The following PGCKA1 variants were observed in gnomAD, a reference collection of about 807,000 sequenced individuals.
PGCKA1 encodes the protein PDCD10 and GCKIII kinases associated 1.
the PGCKA1 span, among the ~76,000 whole-genome samples, chr4:37,469,019 A>G: frequency 2.0e-5 from 3 of 152,164 alleles, no homozygotes; most frequent in Non-Finnish European, 4.4e-5. Flanking sequence ...TTGGTGCCTT[A>G]AGATTATAAT....
the PGCKA1 span, among the ~76,000 whole-genome samples, chr4:37,589,178 C>T: frequency 6.6e-6 from 1 of 152,162 alleles, no homozygotes; most frequent in African/African-American, 2.4e-5. Flanking sequence ...GAAATGGCAT[C>T]GCTGAAAATA....
the PGCKA1 span, among the ~76,000 whole-genome samples, chr4:37,528,502 C>T: frequency 1.2e-4 from 19 of 152,252 alleles, no homozygotes; most frequent in African/African-American, 4.6e-4. Flanking sequence ...GCCTTTGGGG[C>T]ACCTCTTTGG....
At chr4:37,590,779 T>C in the PGCKA1 span, 1 of 1,614,018 alleles carries the variant, frequency 6.2e-7, no homozygotes, top group South Asian at 1.1e-5. Flanking sequence ...CTGGGATTCA[T>C]TGAATGAGGA....
the PGCKA1 span, among the ~76,000 whole-genome samples, chr4:37,538,086 C>CACACACACAG: frequency 1.3e-5 from 2 of 151,888 alleles, no homozygotes; most frequent in African/African-American, 4.8e-5. Flanking sequence ...CACACACACA[C>CACACACACAG]GCACACCCAT....
chr4:37,513,089 CA>C, the PGCKA1 span, among the ~76,000 whole-genome samples: 94 of 71,654 alleles, frequency 1.3e-3, no homozygotes, highest in East Asian at 1.4e-3. Flanking sequence ...AATGCCATCT[CA>C]AAAAAAAAAA....
chr4:37,473,362 C>G, the PGCKA1 span, among the ~76,000 whole-genome samples: 11 of 152,016 alleles, frequency 7.2e-5, 1 homozygote, highest in Non-Finnish European at 1.3e-4. Flanking sequence ...CTTGTGATTT[C>G]TAATCTAAAA....
At chr4:37,487,208 T>C in the PGCKA1 span, among the ~76,000 whole-genome samples, 1 of 152,178 alleles carries the variant, frequency 6.6e-6, no homozygotes, top group East Asian at 1.9e-4. Context: ...CAAAAAGAGA[T>C]TGACCCCCAC....
chr4:37,508,219 T>C, the PGCKA1 span, among the ~76,000 whole-genome samples: 1 of 152,148 alleles, frequency 6.6e-6, no homozygotes, highest in Non-Finnish European at 1.5e-5. Context: ...TTCTTGGCAT[T>C]CTATAACCTT....
the PGCKA1 span, among the ~76,000 whole-genome samples, chr4:37,577,542 T>C: frequency 2.0e-5 from 3 of 152,116 alleles, no homozygotes; most frequent in Non-Finnish European, 4.4e-5. Flanking sequence ...TTTTGTATTG[T>C]TTTCTTCATT....
At chr4:37,565,803 G>C in the PGCKA1 span, among the ~76,000 whole-genome samples, 121 of 152,328 alleles carry the variant, frequency 7.9e-4, 3 homozygotes, top group East Asian at 0.022. Context: ...GTGTCTGTGA[G>C]GGTGCTGCCA....
the PGCKA1 span, among the ~76,000 whole-genome samples, chr4:37,494,981 C>A: frequency 6.6e-6 from 1 of 151,212 alleles, no homozygotes; most frequent in Admixed American, 6.6e-5. Flanking sequence ...TGCAATCTAT[C>A]GATCTGACAA....
the PGCKA1 span, among the ~76,000 whole-genome samples, chr4:37,497,021 G>A: frequency 6.6e-6 from 1 of 151,986 alleles, no homozygotes; most frequent in African/African-American, 2.4e-5. Context: ...GTGAGATCCT[G>A]GTGCACCCAT....
the PGCKA1 span, among the ~76,000 whole-genome samples, chr4:37,464,290 G>T: frequency 1.3e-5 from 2 of 152,214 alleles, no homozygotes; most frequent in Non-Finnish European, 2.9e-5. Flanking sequence ...ATGAGGGCTG[G>T]ACTCTCATCG....
At chr4:37,501,691 G>T in the PGCKA1 span, among the ~76,000 whole-genome samples, 1 of 152,088 alleles carries the variant, frequency 6.6e-6, no homozygotes, top group Non-Finnish European at 1.5e-5. Context: ...GTCTGAAAAA[G>T]GTTTCAATGT....
At chr4:37,588,985 C>A in the PGCKA1 span, 1 of 981,746 alleles carries the variant, frequency 1.0e-6, no homozygotes, top group Non-Finnish European at 1.6e-6. Context: ...GTATTCAGTG[C>A]ATTTATCCAG....
chr4:37,471,277 G>T, the PGCKA1 span, among the ~76,000 whole-genome samples: 1 of 152,140 alleles, frequency 6.6e-6, no homozygotes, highest in African/African-American at 2.4e-5. Context: ...GTTGAGTATG[G>T]TCTGGTCAGT....
the PGCKA1 span, among the ~76,000 whole-genome samples, chr4:37,479,217 A>G: frequency 6.6e-6 from 1 of 152,356 alleles, no homozygotes; most frequent in Admixed American, 6.5e-5. Context: ...TTAAACATCT[A>G]ATTTCATCTC....
At chr4:37,583,884 GT>G in the PGCKA1 span, among the ~76,000 whole-genome samples, 7 of 152,168 alleles carry the variant, frequency 4.6e-5, no homozygotes, top group African/African-American at 1.7e-4. Context: ...ATTTTGCTCA[GT>G]AATAAAGGGT....
At chr4:37,550,661 C>T in the PGCKA1 span, among the ~76,000 whole-genome samples, 4 of 152,134 alleles carry the variant, frequency 2.6e-5, no homozygotes, top group East Asian at 1.9e-4. Flanking sequence ...CTCCAGAACC[C>T]GTATTTCAGA....
Sources: allele counts gnomAD v4.1 joint callset (sites outside exome capture counted in the v4.1 genomes callset), GRCh38; gene constraint gnomAD v4.1.1; transcripts MANE v1.5; gene names NCBI Gene and HGNC (gene_info 2026-07-23, HGNC 2026-07-21).